Variants in C1GALT1 observed in about 807,000 individuals in gnomAD.
The protein encoded by C1GALT1 is core 1 synthase, glycoprotein-N-acetylgalactosamine 3-beta-galactosyltransferase 1.
In C1GALT1, 11 loss-of-function variants were observed where a neutral mutation model predicts 31.0. The observed-to-expected ratio is 0.36, with a 90% CI of 0.22 to 0.59. The LOEUF (loss-of-function observed/expected upper bound fraction) is 0.59, where lower values mean the gene tolerates loss of function less well. Among genes scored for constraint, C1GALT1 ranks in the 20% least tolerant of loss-of-function variants. The pLI is 0.79. For missense variants in C1GALT1, 424 were observed against 425.2 expected (o/e 1.00, Z 0.03); for synonymous variants, 175 against 143.6 (o/e 1.22, Z -1.56).
upstream of C1GALT1, among the ~76,000 whole-genome samples, chr7:7,177,792 C>T (rs951146034): frequency 4.6e-5 from 7 of 152,164 alleles, no homozygotes; most frequent in Admixed American, 3.9e-4. Context: ...AGGTAGACCT[C>T]ATCAGCCTAA....
rs900063651 is a variant in C1GALT1 at position 7,195,804 on chromosome 7, C to A, written c.-18+12984C>A. ...CCACTATTACTGTGTTGCTGTTTATCTTATTTCTAAAGTCTAGCAGTAATT... is the reference window on the plus strand; with the variant it reads ...CCACTATTACTGTGTTGCTGTTTATATTATTTCTAAAGTCTAGCAGTAATT... On this transcript the variant is annotated intron_variant, in intron 1 of 3. Coordinates refer to ENST00000436587, the MANE Select transcript of C1GALT1 (RefSeq NM_020156.5). 5.9e-5 allele frequency among the ~76,000 whole-genome samples: 9 copies of A among 152,214 alleles called. No homozygotes were observed. In the South Asian group the frequency reaches 1.9e-3, roughly 32 times the overall value.
Position 7,197,619 on chromosome 7 carries a change from A to T in C1GALT1, c.-18+14799A>T, listed in dbSNP as rs562288378. Among the ~76,000 whole-genome samples, 5 of 152,284 alleles carry T rather than the reference A, an allele frequency of 3.3e-5. No homozygotes were observed. In the East Asian group the frequency reaches 7.7e-4, roughly 23 times the overall value. On this transcript the variant is annotated intron_variant, in intron 1 of 3. Transcript: ENST00000436587. ...TTGATGGGGATGGCATTGAATCTATAAATTACCTTGGGCAGTATGGCCATT... is the reference window on the plus strand; with the variant it reads ...TTGATGGGGATGGCATTGAATCTATTAATTACCTTGGGCAGTATGGCCATT...
intron 2 of C1GALT1, among the ~76,000 whole-genome samples, chr7:7,236,477 C>G (rs1783358617): frequency 6.6e-6 from 1 of 152,020 alleles, no homozygotes; most frequent in South Asian, 2.1e-4. Context: ...CTGCTGTTGT[C>G]CTTTTGGATT....
At chr7:7,215,513 G>A (rs1782196960) in intron 1 of C1GALT1, among the ~76,000 whole-genome samples, 1 of 152,086 alleles carries the variant, frequency 6.6e-6, no homozygotes, top group African/African-American at 2.4e-5. Context: ...TTAAGGTTTG[G>A]AAAATTAGCC....
chr7:7,214,851 C>G (rs548097151), intron 1 of C1GALT1, among the ~76,000 whole-genome samples: 1 of 152,316 alleles, frequency 6.6e-6, no homozygotes, highest in African/African-American at 2.4e-5. Context: ...GGGGACCAGA[C>G]CAGGAAGCTA....
chr7:7,177,686 T>C (rs746441446), upstream of C1GALT1, among the ~76,000 whole-genome samples: 3 of 152,252 alleles, frequency 2.0e-5, no homozygotes, highest in Non-Finnish European at 4.4e-5. Context: ...TACTATTTTA[T>C]ACAGTACACA....
chr7:7,215,122 C>T (rs559193387), intron 1 of C1GALT1, among the ~76,000 whole-genome samples: 1 of 152,166 alleles, frequency 6.6e-6, no homozygotes, highest in Admixed American at 6.5e-5. Flanking sequence ...GGTTACAGAT[C>T]GTGTTCCCAA....
chr7:7,197,586 T>C (rs1438674179), intron 1 of C1GALT1, among the ~76,000 whole-genome samples: 1 of 152,162 alleles, frequency 6.6e-6, no homozygotes, highest in Non-Finnish European at 1.5e-5. Flanking sequence ...AAGAAAGTCA[T>C]TGGTAGCTTG....
upstream of C1GALT1, among the ~76,000 whole-genome samples, chr7:7,179,707 G>C (rs558444517): frequency 1.2e-4 from 18 of 152,194 alleles, no homozygotes; most frequent in South Asian, 3.7e-3. Flanking sequence ...TCCAGAAGTG[G>C]ATAGTCCAGA....
At chr7:7,191,545 A>T (rs1781072885) in intron 1 of C1GALT1, among the ~76,000 whole-genome samples, 1 of 152,072 alleles carries the variant, frequency 6.6e-6, no homozygotes, top group South Asian at 2.1e-4. Context: ...TTTTTTGAGG[A>T]ATTTTCATAC....
chr7:7,179,336 A>T (rs1780543338), upstream of C1GALT1, among the ~76,000 whole-genome samples: 1 of 152,256 alleles, frequency 6.6e-6, no homozygotes, highest in Non-Finnish European at 1.5e-5. Context: ...CTTTGAAGGA[A>T]GAAGTATCAA....
chr7:7,178,505 T>A (rs1031617470), upstream of C1GALT1, among the ~76,000 whole-genome samples: 4 of 151,998 alleles, frequency 2.6e-5, no homozygotes, highest in African/African-American at 9.7e-5. Context: ...TTAAAAAAAA[T>A]TGATTGAGGA....
intron 1 of C1GALT1, among the ~76,000 whole-genome samples, chr7:7,189,610 T>C (rs1780970070): frequency 6.6e-6 from 1 of 152,156 alleles, no homozygotes; most frequent in Non-Finnish European, 1.5e-5. Flanking sequence ...TATGATACTT[T>C]TTGGTTCTTT....
chr7:7,200,425 G>C (rs1411390519), intron 1 of C1GALT1, among the ~76,000 whole-genome samples: 1 of 151,990 alleles, frequency 6.6e-6, no homozygotes, highest in Non-Finnish European at 1.5e-5. Context: ...TAGTCTGATT[G>C]GCTTCCCTTT....
At chr7:7,222,194 A>T (rs1782540545) in intron 1 of C1GALT1, among the ~76,000 whole-genome samples, 1 of 152,208 alleles carries the variant, frequency 6.6e-6, no homozygotes, top group Non-Finnish European at 1.5e-5. Context: ...ATTCTCTTTA[A>T]TTGGAGTGAA....
chr7:7,226,103 GA>G (rs1260930271), intron 1 of C1GALT1, among the ~76,000 whole-genome samples: 1 of 151,872 alleles, frequency 6.6e-6, no homozygotes, highest in Non-Finnish European at 1.5e-5. Flanking sequence ...GTGAGCATCA[GA>G]AAAAAACATA....
intron 1 of C1GALT1, among the ~76,000 whole-genome samples, chr7:7,206,775 A>G (rs757720037): frequency 2.8e-5 from 4 of 142,500 alleles, no homozygotes; most frequent in Non-Finnish European, 4.6e-5. Context: ...TTGTTTTATT[A>G]TCTTAATTAT....
chr7:7,211,819 C>T (rs1424095377), intron 1 of C1GALT1, among the ~76,000 whole-genome samples: 9 of 152,060 alleles, frequency 5.9e-5, no homozygotes, highest in Non-Finnish European at 8.8e-5. Flanking sequence ...CTTTTTCTTT[C>T]TTCCAAGCTG....
chr7:7,188,671 A>G (rs1780926907), intron 1 of C1GALT1, among the ~76,000 whole-genome samples: 1 of 152,186 alleles, frequency 6.6e-6, no homozygotes, highest in African/African-American at 2.4e-5. Flanking sequence ...TCATATGTAT[A>G]TATATCTTAA....
Sources: allele counts gnomAD v4.1 joint callset (sites outside exome capture counted in the v4.1 genomes callset), GRCh38; gene constraint gnomAD v4.1.1; transcripts MANE v1.5; gene names NCBI Gene and HGNC (gene_info 2026-07-23, HGNC 2026-07-21).